The following TBC1D5 variants were observed in gnomAD, a reference collection of about 807,000 sequenced individuals.
The protein encoded by TBC1D5 is TBC1 domain family, member 5.
A neutral mutation model predicts 100.3 loss-of-function variants in TBC1D5; 75 were observed. The observed-to-expected ratio is 0.75, with a 90% CI of 0.62 to 0.91. The LOEUF is 0.91. Among genes scored for constraint, TBC1D5 ranks in the 40% least tolerant of loss-of-function variants. The probability of loss-of-function intolerance (pLI) is 0.00; values close to 1 mark genes in which losing one functional copy is unlikely to be tolerated. For missense variants in TBC1D5, 910 were observed against 942.4 expected (o/e 0.97, Z 0.45); for synonymous variants, 323 against 325.6 (o/e 0.99, Z 0.09).
chr3:17,204,895 G>C (rs1646895924), intron 18 of TBC1D5, among the ~76,000 whole-genome samples: 1 of 152,130 alleles, frequency 6.6e-6, no homozygotes. Context: ...AGAGTTACAT[G>C]ATTTGGGTGA....
intron 2 of TBC1D5, among the ~76,000 whole-genome samples, chr3:17,513,899 A>G (rs1475361679): frequency 6.6e-6 from 1 of 152,208 alleles, no homozygotes; most frequent in African/African-American, 2.4e-5. Context: ...TTCACAATTA[A>G]GAGATAGCGC....
At chr3:17,595,463 C>T (rs2060502821) in intron 2 of TBC1D5, among the ~76,000 whole-genome samples, 1 of 152,114 alleles carries the variant, frequency 6.6e-6, no homozygotes, top group African/African-American at 2.4e-5. Flanking sequence ...CTCATTTAGC[C>T]TAAAATTGGT....
intron 2 of TBC1D5, among the ~76,000 whole-genome samples, chr3:17,556,219 T>C (rs1039972304): frequency 2.0e-5 from 3 of 152,180 alleles, no homozygotes; most frequent in Admixed American, 1.3e-4. Context: ...GGTTTCACCA[T>C]GTTGGCCAAG....
At chr3:17,737,560 G>A (rs1038171198) in intron 1 of TBC1D5, among the ~76,000 whole-genome samples, 1 of 151,998 alleles carries the variant, frequency 6.6e-6, no homozygotes, top group Non-Finnish European at 1.5e-5. Context: ...TTTTTCTAAT[G>A]GCAGGCTAAC....
chr3:17,219,986 T>A (rs1672981496), intron 17 of TBC1D5, among the ~76,000 whole-genome samples: 1 of 152,158 alleles, frequency 6.6e-6, no homozygotes, highest in African/African-American at 2.4e-5. Context: ...ACCTTGATCT[T>A]GGAAATTTGT....
chr3:17,500,695 G>A (rs2095776321), intron 3 of TBC1D5, among the ~76,000 whole-genome samples: 1 of 149,424 alleles, frequency 6.7e-6, no homozygotes, highest in Admixed American at 6.6e-5. Context: ...TTGGTACTGT[G>A]ACTTTCCCCT....
At chr3:17,678,083 TA>T (rs539951773) in intron 1 of TBC1D5, among the ~76,000 whole-genome samples, 64 of 152,302 alleles carry the variant, frequency 4.2e-4, no homozygotes, top group African/African-American at 1.4e-3. Context: ...GGCACATGTA[TA>T]CATATGTAAC....
chr3:17,279,239 C>T (rs932745269), intron 15 of TBC1D5, among the ~76,000 whole-genome samples: 1 of 152,098 alleles, frequency 6.6e-6, no homozygotes, highest in East Asian at 1.9e-4. Context: ...CTAGTGAATC[C>T]ACAATAGTTG....
chr3:17,303,795 T>C (rs573996899), intron 14 of TBC1D5, among the ~76,000 whole-genome samples: 1 of 149,620 alleles, frequency 6.7e-6, no homozygotes. Flanking sequence ...CCTTTAGTCC[T>C]GCCTAATTCA....
intron 1 of TBC1D5, among the ~76,000 whole-genome samples, chr3:17,680,557 T>C (rs1283528138): frequency 6.6e-6 from 1 of 151,332 alleles, no homozygotes; most frequent in Non-Finnish European, 1.5e-5. Context: ...CTTTCCTATA[T>C]ATGATCTTTT....
intron 14 of TBC1D5, among the ~76,000 whole-genome samples, chr3:17,294,195 C>CATTTATTT (rs35808278): frequency 0.015 from 2,312 of 150,582 alleles, 28 homozygotes; most frequent in Admixed American, 0.028. Flanking sequence ...ATTGACTAAT[C>CATTTATTT]ATTTATTTAT....
exon 1 of TBC1D5, chr3:17,740,458 CT>C (rs2077334526): frequency 6.6e-6 from 1 of 152,004 alleles, no homozygotes; most frequent in Non-Finnish European, 1.5e-5. Context: ...AATTATGGTA[CT>C]AAAAACTTCC....
chr3:17,222,190 T>C lies in TBC1D5; in HGVS notation c.1589-7820A>G, dbSNP rs114545547. On this transcript the variant is annotated intron_variant, in intron 17 of 21. Transcript: ENST00000253692. Reference sequence around the variant, plus strand: ...ATGTTCACTTTCTATCTTCCTGAGTTGTATGTTTAGATATTTTACAGTCTT... The same window carrying C: ...ATGTTCACTTTCTATCTTCCTGAGTCGTATGTTTAGATATTTTACAGTCTT... Among the ~76,000 whole-genome samples the C allele has an allele frequency of 7.8e-3, 1,185 of 152,300 alleles. 7 individuals are homozygous for C. Among genetic ancestry groups the C allele is most frequent in the Middle Eastern group, 0.044 (13 of 294 alleles).
At chr3:17,168,280 C>A (rs2066842012) in intron 19 of TBC1D5, among the ~76,000 whole-genome samples, 1 of 152,196 alleles carries the variant, frequency 6.6e-6, no homozygotes, top group South Asian at 2.1e-4. Context: ...TTTAAGGATT[C>A]ATAACAGTAA....
intron 17 of TBC1D5, 80 bp downstream of exon 17, chr3:17,238,083 T>C (rs1576197047): frequency 1.3e-6 from 2 of 1,516,478 alleles, no homozygotes; most frequent in East Asian, 2.3e-5. Flanking sequence ...TTCTAGGAGA[T>C]TGGTTCCTCA....
chr3:17,633,235 G>A (rs1013527588), intron 1 of TBC1D5, among the ~76,000 whole-genome samples: 2 of 152,046 alleles, frequency 1.3e-5, no homozygotes, highest in East Asian at 1.9e-4. Flanking sequence ...TCAGGAGTTC[G>A]AGACCAGCCT....
intron 3 of TBC1D5, among the ~76,000 whole-genome samples, chr3:17,481,338 A>ACGAGCCAAGCACAGCCTGC (rs1250534545): frequency 6.6e-6 from 1 of 152,192 alleles, no homozygotes; most frequent in Non-Finnish European, 1.5e-5. Context: ...GGTGAGTAGC[A>ACGAGCCAAGCACAGCCTGC]CGAGCCAAGC....
At chr3:17,571,216 T>C (rs536403736) in intron 2 of TBC1D5, among the ~76,000 whole-genome samples, 2 of 152,190 alleles carry the variant, frequency 1.3e-5, no homozygotes, top group East Asian at 3.9e-4. Flanking sequence ...GAAACTTAAC[T>C]TTACAGAAAA....
chr3:17,668,217 G>T (rs1269203899), intron 1 of TBC1D5, among the ~76,000 whole-genome samples: 2 of 149,770 alleles, frequency 1.3e-5, no homozygotes, highest in African/African-American at 4.9e-5. Context: ...AGAGCATAGG[G>T]AAAGAAATGT....
Sources: allele counts gnomAD v4.1 joint callset (sites outside exome capture counted in the v4.1 genomes callset), GRCh38; gene constraint gnomAD v4.1.1; transcripts MANE v1.5; gene names NCBI Gene and HGNC (gene_info 2026-07-23, HGNC 2026-07-21).